Variants in AVEN observed in about 807,000 individuals in gnomAD.
AVEN encodes cell death regulator Aven.
AVEN carries 41 observed loss-of-function variants against 38.1 expected under a neutral mutation model. The observed-to-expected ratio is 1.08, with a 90% CI of 0.84 to 1.40. AVEN has a LOEUF of 1.40. Among genes scored for constraint, AVEN ranks in the 40% most tolerant of loss-of-function variants. The probability of loss-of-function intolerance (pLI) is 0.00; values close to 1 mark genes in which losing one functional copy is unlikely to be tolerated. For synonymous variants in AVEN, 206 were observed against 171.8 expected (o/e 1.20, Z -1.56); for missense variants, 605 against 438.8 (o/e 1.38, Z -3.38).
intron 2 of AVEN, among the ~76,000 whole-genome samples, chr15:33,952,828 C>A (rs370842037): frequency 6.7e-6 from 1 of 148,684 alleles, no homozygotes; most frequent in Non-Finnish European, 1.5e-5. Context: ...TTGGACAGGC[C>A]ATACACCCTT....
intron 2 of AVEN, among the ~76,000 whole-genome samples, chr15:33,876,822 A>G (rs1444265813): frequency 6.6e-6 from 1 of 152,186 alleles, no homozygotes; most frequent in African/African-American, 2.4e-5. Flanking sequence ...TAAGACCAAG[A>G]AAAAATTAAT....
intron 2 of AVEN, among the ~76,000 whole-genome samples, chr15:33,964,028 C>T (rs1895296911): frequency 6.6e-6 from 1 of 151,378 alleles, no homozygotes; most frequent in Admixed American, 6.6e-5. Context: ...GTGTGCCTAA[C>T]GTGACATCTT....
intron 2 of AVEN, among the ~76,000 whole-genome samples, chr15:33,982,353 C>A (rs1484508718): frequency 6.6e-6 from 1 of 152,080 alleles, no homozygotes; most frequent in African/African-American, 2.4e-5. Flanking sequence ...CCATCCCAAT[C>A]CAAACCCTAG....
chr15:33,970,027 T>C lies in AVEN; in HGVS notation c.445+33005A>G, dbSNP rs1329654224. Among the ~76,000 whole-genome samples the C allele has an allele frequency of 2.6e-5, 4 of 152,114 alleles. No homozygotes were observed. The South Asian group carries it at 8.3e-4, about 32-fold the overall frequency. ...TTTTCATGAGTTTCATTGGAAAACT[T>C]AGGTCCAAAGCACCTTATCATAAAG... On this transcript the variant is annotated intron_variant, in intron 2 of 5. Coordinates refer to ENST00000306730, the MANE Select transcript of AVEN (RefSeq NM_020371.3).
At chr15:34,000,521 A>T (rs1447249105) in intron 2 of AVEN, among the ~76,000 whole-genome samples, 1 of 152,230 alleles carries the variant, frequency 6.6e-6, no homozygotes, top group East Asian at 1.9e-4. Context: ...TTATGATTGC[A>T]CACCTAAGGA....
intron 2 of AVEN, among the ~76,000 whole-genome samples, chr15:34,000,456 C>A (rs993632693): frequency 1.3e-5 from 2 of 152,146 alleles, no homozygotes. Context: ...ATGACGAACA[C>A]CAGGAACTCT....
At chr15:34,058,555 AACACACACACACACACACAC>A (rs3027963) in intron 5 of AVEN, among the ~76,000 whole-genome samples, 1 of 143,180 alleles carries the variant, frequency 7.0e-6, no homozygotes, top group Non-Finnish European at 1.5e-5. Context: ...CTTTAATTCT[AACACACACACACACACACAC>A]ACACACACAC....
intron 2 of AVEN, chr15:33,990,787 C>T (rs1459540704): frequency 2.6e-5 from 4 of 151,986 alleles, no homozygotes; most frequent in African/African-American, 4.8e-5. Context: ...TGCCGTAAGA[C>T]GAATTTTTAA....
intron 2 of AVEN, among the ~76,000 whole-genome samples, chr15:33,950,989 T>C (rs973311699): frequency 3.4e-5 from 5 of 148,450 alleles, no homozygotes; most frequent in African/African-American, 5.0e-5. Flanking sequence ...GCCTGGGCAA[T>C]AGAGTGATAC....
intron 2 of AVEN, among the ~76,000 whole-genome samples, chr15:33,915,786 G>C (rs1597226470): frequency 6.6e-6 from 1 of 152,282 alleles, no homozygotes; most frequent in East Asian, 1.9e-4. Context: ...TGGTAGCCTG[G>C]GGTAGGTTCT....
chr15:33,907,617 C>A (rs1448245912), intron 2 of AVEN, among the ~76,000 whole-genome samples: 3 of 152,120 alleles, frequency 2.0e-5, no homozygotes, highest in Non-Finnish European at 4.4e-5. Context: ...ATGTTGCTAT[C>A]TGCCTTTTAT....
intron 1 of AVEN, among the ~76,000 whole-genome samples, chr15:34,031,119 GT>G (rs57568607): frequency 0.79 from 115,749 of 147,214 alleles, 48,424 homozygotes; most frequent in Non-Finnish European, 0.92. Flanking sequence ...ATACATATGA[GT>G]TTTTTTTTGT....
intron 2 of AVEN, among the ~76,000 whole-genome samples, chr15:33,917,902 C>T (rs1893212201): frequency 6.6e-6 from 1 of 152,112 alleles, no homozygotes; most frequent in Non-Finnish European, 1.5e-5. Context: ...CAGAAATCAC[C>T]ACTGAAGAAC....
intron 2 of AVEN, among the ~76,000 whole-genome samples, chr15:33,946,793 G>A (rs376327412): frequency 3.3e-5 from 5 of 152,176 alleles, no homozygotes; most frequent in African/African-American, 9.7e-5. Context: ...CTGCGGTTGC[G>A]GGGAGCGGTT....
chr15:34,015,460 T>C (rs911264735), intron 1 of AVEN, among the ~76,000 whole-genome samples: 8 of 151,720 alleles, frequency 5.3e-5, no homozygotes, highest in Non-Finnish European at 1.0e-4. Flanking sequence ...CCAGCCTGGG[T>C]GACAGAGCGA....
chr15:33,859,428 G>A, intron 11 of AVEN: 1 of 737,474 alleles, frequency 1.4e-6, no homozygotes, highest in African/African-American at 1.8e-5. Context: ...ACAGCAGCTA[G>A]CAGCATGAAT....
intron 5 of AVEN, among the ~76,000 whole-genome samples, chr15:34,052,597 T>G (rs1042709737): frequency 2.6e-5 from 4 of 152,170 alleles, no homozygotes; most frequent in African/African-American, 4.8e-5. Context: ...TCCAGAAAGC[T>G]CCATCATTTC....
At chr15:33,898,153 C>A (rs1264443081) in intron 2 of AVEN, among the ~76,000 whole-genome samples, 3 of 152,212 alleles carry the variant, frequency 2.0e-5, no homozygotes, top group Admixed American at 2.0e-4. Context: ...CGCACCACTG[C>A]ACTCCAGCCT....
chr15:33,918,462 T>C (rs1217142620), intron 2 of AVEN, among the ~76,000 whole-genome samples: 1 of 117,154 alleles, frequency 8.5e-6, no homozygotes, highest in Non-Finnish European at 1.7e-5. Context: ...TTACAGCTTT[T>C]TTTTTTTTTT....
Sources: gnomAD v4.1 joint callset for allele counts (sites outside exome capture counted in the v4.1 genomes callset) on GRCh38, gnomAD v4.1.1 for gene constraint, MANE v1.5 for transcripts, NCBI Gene and HGNC (gene_info 2026-07-23, HGNC 2026-07-21) for gene names.